Variants in LIFR observed in about 807,000 individuals in gnomAD.
LIFR encodes the protein leukemia inhibitory factor receptor.
Under a neutral mutation model 122.2 loss-of-function variants are expected in LIFR, and 84 were observed. The observed-to-expected ratio is 0.69, with a 90% CI of 0.58 to 0.82. LIFR has a LOEUF of 0.82. LIFR is among the 40% of genes least tolerant of loss of function. LIFR has a pLI of 0.00. For synonymous variants in LIFR, 422 were observed against 434.7 expected, an observed-to-expected ratio of 0.97 and a Z score of 0.36; for missense variants, 1,294 against 1,311.6, an observed-to-expected ratio of 0.99 and a Z score of 0.21.
In LIFR at chr5:38,499,990, T is replaced by C. The variant is rs529028555; in HGVS notation, c.1601-407A>G. 3.3e-5 allele frequency among the ~76,000 whole-genome samples: 5 copies of C among 152,308 alleles called. No homozygotes were observed. In the South Asian group the frequency reaches 1.0e-3, roughly 32 times the overall value. On this transcript the variant is annotated intron_variant, in intron 11 of 19. Coordinates refer to ENST00000453190, the MANE Select transcript of LIFR (RefSeq NM_001127671.2). ...CCTAGATAAAAACAATATGGCATGC[T>C]TCCTGATCTTTGTATCTCAGCTTGA...
intron 7 of LIFR, among the ~76,000 whole-genome samples, chr5:38,507,949 A>G (rs1745588315): frequency 6.6e-6 from 1 of 152,194 alleles, no homozygotes; most frequent in African/African-American, 2.4e-5. Context: ...AAACATTGAC[A>G]TATTTATTCT....
At position 38,578,538 on chromosome 5, in the gene LIFR, A is replaced by ACTACT. The variant is rs1445177821; in HGVS notation, c.-20+16718_-20+16722dup. On this transcript the variant is annotated intron_variant, in intron 1 of 19. Transcript: ENST00000263409. ...CTCATTTTTGATAAAATTCCAGGTA[A>ACTACT]CTACTAGACACTATTTCTTTTTTTT... 2.0e-5 allele frequency among the ~76,000 whole-genome samples: 3 copies of ACTACT among 149,660 alleles called. No homozygotes were observed. The South Asian group carries it at 6.3e-4, about 32-fold the overall frequency.
At position 38,493,741 on chromosome 5, in the gene LIFR, G is replaced by A. The variant is rs1744725436; in HGVS notation, c.1930C>T (p.Leu644Phe). The stretch of plus-strand genomic sequence containing the variant: ...TTGGGGTCGTAATGCCAGGTGAGGA[G>A]AATCCCCTTTCCCATCCCAACAACT... ...EQVVGMGKGI[L>F]LTWHYDPNMT... Residue 644 changes from leucine (L) to phenylalanine (F), a missense_variant, in exon 14 of 20, where the codon CTC (leucine) becomes TTC (phenylalanine). By Grantham distance (22) the Leu-to-Phe change is conservative. Coordinates refer to ENST00000453190, the MANE Select transcript of LIFR (RefSeq NM_001127671.2). 11 of 1,613,972 alleles carry A rather than the reference G, an allele frequency of 6.8e-6. No homozygotes were observed. The highest frequency in any genetic ancestry group is 9.3e-6 in the Non-Finnish European group (11 of 1,179,992).
chr5:38,590,351 G>A (rs1749884639), intron 1 of LIFR, among the ~76,000 whole-genome samples: 1 of 152,156 alleles, frequency 6.6e-6, no homozygotes, highest in Non-Finnish European at 1.5e-5. Context: ...GATGAAAGTA[G>A]GGAGGTGGGA....
intron 6 of LIFR, among the ~76,000 whole-genome samples, chr5:38,511,147 T>C (rs1745779706): frequency 6.6e-6 from 1 of 152,198 alleles, no homozygotes; most frequent in Non-Finnish European, 1.5e-5. Context: ...TTAGGGCATA[T>C]GTCTTACTTT....
At chr5:38,551,804 T>C (rs552329894) in intron 1 of LIFR, among the ~76,000 whole-genome samples, 2 of 152,330 alleles carry the variant, frequency 1.3e-5, no homozygotes, top group East Asian at 1.9e-4. Flanking sequence ...CATGAAAGCA[T>C]AGAATAGTAT....
rs1387596249 is a variant in LIFR, at chr5:38,479,392, C to G, written c.*2203G>C. On this transcript the variant is annotated 3_prime_UTR_variant, in exon 20 of 20. Transcript: ENST00000453190. ...TTCATACAGAAAAAAACAATGAAGT[C>G]TTGGATAGAACGAAAGGACTTAAGA... is the stretch of plus-strand genomic sequence containing the variant. 1 of 230,434 alleles carries G rather than the reference C, an allele frequency of 4.3e-6. No individual in the cohort carries two copies. The highest frequency in any genetic ancestry group is 8.6e-6 in the Non-Finnish European group (1 of 116,348). 14.3% of individuals were successfully genotyped at this position (230,434 alleles called of 1,614,324 possible). A position where few individuals can be genotyped will look rare whatever the true frequency, so the allele number is the denominator to read the frequency against.
chr5:38,603,019 T>C (rs3097239), intron 2 of LIFR, among the ~76,000 whole-genome samples: 32,150 of 152,064 alleles, frequency 0.21, 3,607 homozygotes, highest in Admixed American at 0.28. Flanking sequence ...TGCGCACGCT[T>C]AATTCCCAAG....
At chr5:38,487,045 G>A (rs1343372071) in intron 16 of LIFR, among the ~76,000 whole-genome samples, 2 of 151,972 alleles carry the variant, frequency 1.3e-5, no homozygotes, top group East Asian at 1.9e-4. Context: ...GATTTTCCAC[G>A]TGGTCAAACA....
At chr5:38,581,161 G>T (rs1749568611) in intron 1 of LIFR, among the ~76,000 whole-genome samples, 1 of 152,002 alleles carries the variant, frequency 6.6e-6, no homozygotes, top group African/African-American at 2.4e-5. Flanking sequence ...TTATAAAAAC[G>T]CTTTAGCTGA....
intron 1 of LIFR, among the ~76,000 whole-genome samples, chr5:38,540,423 G>C (rs769344289): frequency 6.6e-6 from 1 of 152,208 alleles, no homozygotes; most frequent in Non-Finnish European, 1.5e-5. Flanking sequence ...ACAAAGATCA[G>C]ACAGTCTATG....
chr5:38,571,667 A>G (rs983253290), intron 1 of LIFR, among the ~76,000 whole-genome samples: 2 of 152,234 alleles, frequency 1.3e-5, no homozygotes, highest in Non-Finnish European at 2.9e-5. Flanking sequence ...TTGTTATCAT[A>G]ATGCAATATT....
At chr5:38,576,363 G>T (rs1444559706) in intron 1 of LIFR, among the ~76,000 whole-genome samples, 1 of 152,136 alleles carries the variant, frequency 6.6e-6, no homozygotes, top group Non-Finnish European at 1.5e-5. Flanking sequence ...ACCTGATCAT[G>T]CCTTTCAATT....
At chr5:38,484,955 T>C in intron 17 of LIFR, 87 bp from the exon 18 acceptor site, 2 of 933,018 alleles carry the variant, frequency 2.1e-6, no homozygotes, top group Non-Finnish European at 3.4e-6. Context: ...TTTAGGTTGG[T>C]AAATTATTTA....
intron 1 of LIFR, among the ~76,000 whole-genome samples, chr5:38,539,843 T>C (rs1228523700): frequency 6.6e-6 from 1 of 152,214 alleles, no homozygotes; most frequent in Non-Finnish European, 1.5e-5. Flanking sequence ...TTATGCATTA[T>C]TTAAATACTG....
chr5:38,506,121 T>G (rs1009001904), intron 8 of LIFR, 47 bp from the exon 9 acceptor site: 1 of 1,355,802 alleles, frequency 7.4e-7, no homozygotes, highest in Non-Finnish European at 1.0e-6. Context: ...GAGATAAATA[T>G]TGCAGGAAAA....
intron 7 of LIFR, among the ~76,000 whole-genome samples, chr5:38,509,121 AGATT>A (rs1745656261): frequency 6.6e-6 from 1 of 152,214 alleles, no homozygotes; most frequent in Non-Finnish European, 1.5e-5. Context: ...CTATGATAAA[AGATT>A]ACAACACTGT....
At chr5:38,606,382 A>G in intron 1 of LIFR, 1 of 152,172 alleles carries the variant, frequency 6.6e-6, no homozygotes, top group East Asian at 1.9e-4. Context: ...GGTTCCACAC[A>G]CTTTTAAATT....
chr5:38,477,298 C>G lies in LIFR; in HGVS notation c.*4297G>C, dbSNP rs1439954673. ...TTCCAATGATATTCTAAGGCTAAGT[C>G]TAAAAGATGAATGTTCTGTAACTTT... On this transcript the variant is annotated 3_prime_UTR_variant, in exon 20 of 20. Transcript: ENST00000453190. 3 of 219,708 alleles carry G rather than the reference C, an allele frequency of 1.4e-5. No homozygotes were observed. Among genetic ancestry groups the G allele is most frequent in the Non-Finnish European group, 9.1e-6 (1 of 109,730 alleles). The allele number at this position is 219,708 out of a possible 1,614,324, so 13.6% of individuals were successfully genotyped here. A position where few individuals can be genotyped will look rare whatever the true frequency, so the allele number is the denominator to read the frequency against.
Sources: allele counts gnomAD v4.1 joint callset (sites outside exome capture counted in the v4.1 genomes callset), GRCh38; gene constraint gnomAD v4.1.1; transcripts MANE v1.5; gene names NCBI Gene and HGNC (gene_info 2026-07-23, HGNC 2026-07-21).